Variants in RNF13 observed in about 807,000 individuals in gnomAD.
The protein encoded by RNF13 is E3 ubiquitin-protein ligase RNF13.
In RNF13, 19 loss-of-function variants were observed where a neutral mutation model predicts 37.7. The observed-to-expected ratio is 0.50, with a 90% CI of 0.35 to 0.74. The LOEUF is 0.74. Among genes scored for constraint, RNF13 ranks in the 30% least tolerant of loss-of-function variants. RNF13 has a pLI of 0.01. For missense variants in RNF13, 375 were observed against 453.0 expected (o/e 0.83, Z 1.56); for synonymous variants, 144 against 157.8 (o/e 0.91, Z 0.65).
chr3:149,942,007 G>A (rs1258013625), intron 8 of RNF13, among the ~76,000 whole-genome samples: 1 of 151,762 alleles, frequency 6.6e-6, no homozygotes, highest in Non-Finnish European at 1.5e-5. Context: ...CTTGTCAAAA[G>A]TCATTTGGCC....
intron 3 of RNF13, among the ~76,000 whole-genome samples, chr3:149,870,945 G>T (rs1184223854): frequency 1.3e-5 from 2 of 151,034 alleles, no homozygotes; most frequent in African/African-American, 2.4e-5. Context: ...CTTTATAAAT[G>T]AAATCAGTGA....
At position 149,905,158 on chromosome 3, in the gene RNF13, A is replaced by G. The variant is rs138206998; in HGVS notation, c.500+2996A>G. On this transcript the variant is annotated intron_variant, in intron 6 of 9. Coordinates refer to ENST00000392894, the MANE Select transcript of RNF13 (RefSeq NM_183381.3). ...TAGTTCAGAGTTTTAATGTATATGT[A>G]TTTTTGCTAGATATTGTCAATTCCC... is the stretch of plus-strand genomic sequence containing the variant. Among the ~76,000 whole-genome samples the G allele has an allele frequency of 1.8e-3, 275 of 152,232 alleles. 1 individual carries two copies. Among genetic ancestry groups the G allele is most frequent in the African/African-American group, 6.1e-3 (254 of 41,528 alleles).
chr3:149,893,301 G>A (rs990224791), intron 4 of RNF13, among the ~76,000 whole-genome samples: 7 of 152,162 alleles, frequency 4.6e-5, no homozygotes, highest in African/African-American at 1.7e-4. Flanking sequence ...GTTAAATTAT[G>A]TAATTTCAAT....
intron 4 of RNF13, among the ~76,000 whole-genome samples, chr3:149,887,149 C>T (rs546345369): frequency 1.3e-5 from 2 of 152,176 alleles, no homozygotes; most frequent in Non-Finnish European, 2.9e-5. Context: ...CCACGCAATG[C>T]AGAGTCTGTG....
At chr3:149,928,763 G>C (rs1354007462) in intron 8 of RNF13, among the ~76,000 whole-genome samples, 1 of 152,064 alleles carries the variant, frequency 6.6e-6, no homozygotes, top group African/African-American at 2.4e-5. Flanking sequence ...AGGTTGCTTT[G>C]GGTAGTCTTG....
chr3:149,838,355 C>T (rs1230746346), intron 1 of RNF13, among the ~76,000 whole-genome samples: 1 of 152,208 alleles, frequency 6.6e-6, no homozygotes, highest in African/African-American at 2.4e-5. Flanking sequence ...GTGGGGGCTC[C>T]AACCCCATAT....
chr3:149,955,767 C>T (rs1721802173), intron 8 of RNF13, among the ~76,000 whole-genome samples: 1 of 152,086 alleles, frequency 6.6e-6, no homozygotes, highest in Admixed American at 6.6e-5. Flanking sequence ...AATCTTCAAT[C>T]TCTTTTATCT....
chr3:149,844,814 G>C (rs1008718604), intron 1 of RNF13, among the ~76,000 whole-genome samples: 1 of 152,110 alleles, frequency 6.6e-6, no homozygotes, highest in African/African-American at 2.4e-5. Flanking sequence ...ACCAATTAAA[G>C]TGTACAATGC....
rs548563809 is a variant in RNF13 at position 149,821,271 on chromosome 3, A to G, written c.-17+7918A>G. 2.0e-5 allele frequency among the ~76,000 whole-genome samples: 3 copies of G among 152,318 alleles called. No individual in the cohort carries two copies. The South Asian group carries it at 6.2e-4, about 32-fold the overall frequency. On this transcript the variant is annotated intron_variant, in intron 1 of 9. Coordinates refer to ENST00000392894, the MANE Select transcript of RNF13 (RefSeq NM_183381.3). ...TTCCACAGTAGCTAAACCATTTTAC[A>G]TTCCCACTGGCAATGTGTGAGGGTT...
chr3:149,935,068 G>A (rs1270728500), intron 8 of RNF13, among the ~76,000 whole-genome samples: 1 of 152,196 alleles, frequency 6.6e-6, no homozygotes, highest in Non-Finnish European at 1.5e-5. Flanking sequence ...ATGTGCTGAT[G>A]AGAAGAATGT....
intron 1 of RNF13, among the ~76,000 whole-genome samples, chr3:149,839,586 T>A (rs1183639299): frequency 1.2e-5 from 1 of 85,448 alleles, no homozygotes; most frequent in African/African-American, 3.4e-5. Context: ...TATAAAACCA[T>A]CAGTTCACAT....
chr3:149,916,284 A>G (rs1170408297), intron 7 of RNF13, among the ~76,000 whole-genome samples: 1 of 152,218 alleles, frequency 6.6e-6, no homozygotes, highest in African/African-American at 2.4e-5. Context: ...TAATATTCAT[A>G]TACTCAAATA....
rs139828516 is a variant in RNF13, at chr3:149,828,909, C to T, written c.-17+15556C>T. On this transcript the variant is annotated intron_variant, in intron 1 of 9. Coordinates refer to ENST00000392894, the MANE Select transcript of RNF13 (RefSeq NM_183381.3). ...GGAACATTTATTTTTGTCACAGGCG[C>T]TGAGAGATTTGTGATATACTGAACT... Among the ~76,000 whole-genome samples, 186 of 152,066 alleles carry T rather than the reference C, an allele frequency of 1.2e-3. 4 individuals are homozygous for T. The East Asian group carries it at 0.024, about 19-fold the overall frequency.
chr3:149,865,502 G>A (rs901021957), intron 3 of RNF13, among the ~76,000 whole-genome samples: 4 of 151,880 alleles, frequency 2.6e-5, no homozygotes, highest in East Asian at 1.9e-4. Flanking sequence ...GTCTCACTCT[G>A]TTTCCCAAGA....
chr3:149,859,496 GACAC>G (rs140394983), intron 3 of RNF13, among the ~76,000 whole-genome samples: 4,064 of 151,928 alleles, frequency 0.027, 173 homozygotes, highest in African/African-American at 0.092. Flanking sequence ...GGGAGATAAA[GACAC>G]ACACACACAG....
intron 1 of RNF13, among the ~76,000 whole-genome samples, chr3:149,839,626 T>G (rs755263616): frequency 6.6e-6 from 1 of 152,124 alleles, no homozygotes; most frequent in Non-Finnish European, 1.5e-5. Context: ...GAGAATAGCA[T>G]GGGAAAGACC....
chr3:149,941,542 T>G (rs9856687), intron 8 of RNF13, among the ~76,000 whole-genome samples: 13 of 149,040 alleles, frequency 8.7e-5, no homozygotes, highest in South Asian at 4.2e-4. Flanking sequence ...TTTTTTTTTT[T>G]TTTTTTTTTA....
chr3:149,896,531 G>A (rs536708624), intron 5 of RNF13, among the ~76,000 whole-genome samples: 1 of 151,046 alleles, frequency 6.6e-6, no homozygotes, highest in Admixed American at 6.6e-5. Context: ...CCAGGCTGGA[G>A]TGCAATGGTG....
At chr3:149,932,241 C>G (rs867269177) in intron 8 of RNF13, among the ~76,000 whole-genome samples, 1 of 152,060 alleles carries the variant, frequency 6.6e-6, no homozygotes, top group Non-Finnish European at 1.5e-5. Context: ...TTCATTTTTA[C>G]TTTTTTGAGG....
Sources: allele counts gnomAD v4.1 joint callset (sites outside exome capture counted in the v4.1 genomes callset), GRCh38; gene constraint gnomAD v4.1.1; transcripts MANE v1.5; gene names NCBI Gene and HGNC (gene_info 2026-07-23, HGNC 2026-07-21).